Variants in SLC24A4 observed in about 807,000 individuals in gnomAD.
SLC24A4 encodes the protein solute carrier family 24 member 4.
Under a neutral mutation model 79.0 loss-of-function variants are expected in SLC24A4, and 53 were observed. That is an observed-to-expected ratio of 0.67 (90% confidence interval 0.54 to 0.84). SLC24A4 has a LOEUF of 0.84. Among genes scored for constraint, SLC24A4 ranks in the 40% least tolerant of loss-of-function variants. SLC24A4 has a pLI of 0.00. For synonymous variants in SLC24A4, 323 were observed against 323.8 expected, an observed-to-expected ratio of 1.00 and a Z score of 0.03; for missense variants, 731 against 822.0, an observed-to-expected ratio of 0.89 and a Z score of 1.35.
chr14:92,386,376 A>C (rs1475617342), intron 2 of SLC24A4, among the ~76,000 whole-genome samples: 1 of 152,142 alleles, frequency 6.6e-6, no homozygotes, highest in Non-Finnish European at 1.5e-5. Context: ...TTCTGAGGTC[A>C]CAGTGCAGAT....
intron 12 of SLC24A4, among the ~76,000 whole-genome samples, chr14:92,473,857 C>T (rs1348295203): frequency 1.3e-5 from 2 of 152,168 alleles, no homozygotes; most frequent in Non-Finnish European, 1.5e-5. Context: ...TTAGAACTAT[C>T]CTTGGGCTAG....
intron 12 of SLC24A4, among the ~76,000 whole-genome samples, chr14:92,459,837 C>A (rs956452930): frequency 6.6e-6 from 1 of 152,162 alleles, no homozygotes; most frequent in African/African-American, 2.4e-5. Flanking sequence ...AGACTCCGCC[C>A]CCGACAGAAA....
At chr14:92,355,338 C>A (rs1294624874) in intron 2 of SLC24A4, among the ~76,000 whole-genome samples, 2 of 152,144 alleles carry the variant, frequency 1.3e-5, no homozygotes, top group East Asian at 1.9e-4. Context: ...GGGAAGAGGG[C>A]AGATGGTGGC....
intron 2 of SLC24A4, among the ~76,000 whole-genome samples, chr14:92,379,365 A>G (rs1259565765): frequency 6.6e-6 from 1 of 152,046 alleles, no homozygotes; most frequent in African/African-American, 2.4e-5. Context: ...CTGAAGAGGG[A>G]TGTTGGCATT....
At chr14:92,429,628 C>T (rs1891753390) in intron 2 of SLC24A4, among the ~76,000 whole-genome samples, 1 of 152,174 alleles carries the variant, frequency 6.6e-6, no homozygotes, top group African/African-American at 2.4e-5. Flanking sequence ...TTAGAGCTTA[C>T]AAGAACAGAG....
At chr14:92,377,609 A>T (rs67701582) in intron 2 of SLC24A4, among the ~76,000 whole-genome samples, 9,999 of 152,270 alleles carry the variant, frequency 0.066, 455 homozygotes, top group Non-Finnish European at 0.091. Flanking sequence ...GGGACCTCAT[A>T]TGCCTTGCAG....
chr14:92,426,655 G>A (rs1430850953), intron 2 of SLC24A4, among the ~76,000 whole-genome samples: 3 of 152,068 alleles, frequency 2.0e-5, no homozygotes, highest in Non-Finnish European at 4.4e-5. Flanking sequence ...TTTTACTCCT[G>A]TTTGGGACAC....
rs548008138 is a variant in SLC24A4, at chr14:92,396,640, C to G, written c.242-37272C>G. ...AAACACACCTGCTGCTGCTTTGCCG[C>G]AACAGTTTACTTCTAGAGCATCTGT... On this transcript the variant is annotated intron_variant, in intron 2 of 16. Coordinates refer to ENST00000532405, the MANE Select transcript of SLC24A4 (RefSeq NM_153646.4). Among the ~76,000 whole-genome samples the G allele has an allele frequency of 2.0e-5, 3 of 152,330 alleles. No individual in the cohort carries two copies. The South Asian group carries it at 6.2e-4, about 32-fold the overall frequency.
At chr14:92,426,637 CTAAT>C in intron 2 of SLC24A4, among the ~76,000 whole-genome samples, 1 of 152,216 alleles carries the variant, frequency 6.6e-6, no homozygotes, top group Admixed American at 6.5e-5. Flanking sequence ...GTGACTTAAT[CTAAT>C]TATTTTTACT....
At chr14:92,331,410 A>G (rs182072516) in intron 2 of SLC24A4, among the ~76,000 whole-genome samples, 123 of 152,290 alleles carry the variant, frequency 8.1e-4, no homozygotes, top group African/African-American at 2.8e-3. Context: ...AGCCTCCTGA[A>G]TAACTGGGAC....
At chr14:92,468,821 A>C (rs928985329) in intron 12 of SLC24A4, among the ~76,000 whole-genome samples, 1 of 152,214 alleles carries the variant, frequency 6.6e-6, no homozygotes, top group Non-Finnish European at 1.5e-5. Context: ...ATAGGTATAC[A>C]TATTTGTGAC....
At chr14:92,372,941 C>T (rs568238604) in intron 2 of SLC24A4, among the ~76,000 whole-genome samples, 5,247 of 116,840 alleles carry the variant, frequency 0.045, 494 homozygotes, top group African/African-American at 0.15. Flanking sequence ...CTTTCTTTTT[C>T]TCTCTCTCTC....
intron 13 of SLC24A4, chr14:92,483,824 C>T: frequency 7.8e-7 from 1 of 1,289,940 alleles, no homozygotes. Flanking sequence ...AACATCGAGT[C>T]CCTTTATTCT....
chr14:92,349,452 G>T (rs1886743013), intron 2 of SLC24A4, among the ~76,000 whole-genome samples: 1 of 152,194 alleles, frequency 6.6e-6, no homozygotes, highest in Admixed American at 6.5e-5. Context: ...GAGCCACCGT[G>T]CCCAGCCTAG....
At chr14:92,493,019 G>C (rs181790345) in intron 16 of SLC24A4, 4,448 of 259,768 alleles carry the variant, frequency 0.017, 236 homozygotes, top group East Asian at 0.071. Context: ...CACACACACA[G>C]AGAAAGATTT....
intron 16 of SLC24A4, among the ~76,000 whole-genome samples, chr14:92,493,273 G>C (rs1340747138): frequency 6.6e-6 from 1 of 152,174 alleles, no homozygotes; most frequent in African/African-American, 2.4e-5. Flanking sequence ...GGCTAGGACA[G>C]AGACTCGCCC....
In SLC24A4 at chr14:92,493,597, T is replaced by G; in HGVS notation, c.1838T>G (p.Val613Gly). ...IMIEFNVFTF[V>G]NLPMCREDD Reference sequence around the variant, plus strand: ...ATAGAGTTTAACGTCTTTACCTTCGTCAACTTGCCGATGTGCCGGGAAGAC... The same window carrying G: ...ATAGAGTTTAACGTCTTTACCTTCGGCAACTTGCCGATGTGCCGGGAAGAC... The change falls in exon 17 of 17, where the codon GTC becomes GGC. Residue 613 changes from valine to glycine, a missense_variant. Coordinates refer to ENST00000532405, the MANE Select transcript of SLC24A4 (RefSeq NM_153646.4). 6.2e-7 allele frequency: 1 copy of G among 1,614,202 alleles called. No individual in the cohort carries two copies. Among genetic ancestry groups the G allele is most frequent in the Non-Finnish European group, 8.5e-7 (1 of 1,180,028 alleles).
chr14:92,495,258 C>T lies in SLC24A4; in HGVS notation c.*1630C>T, dbSNP rs183271053. The T allele has an allele frequency of 3.9e-5, 6 of 152,240 alleles. No homozygotes were observed. Among genetic ancestry groups the T allele is most frequent in the African/African-American group, 9.7e-5 (4 of 41,418 alleles). 9.4% of individuals were successfully genotyped at this position (152,240 alleles called of 1,614,324 possible). A position where few individuals can be genotyped will look rare whatever the true frequency, so the allele number is the denominator to read the frequency against. On this transcript the variant is annotated 3_prime_UTR_variant, in exon 17 of 17. Coordinates refer to ENST00000532405, the MANE Select transcript of SLC24A4 (RefSeq NM_153646.4). The stretch of plus-strand genomic sequence containing the variant: ...CTGAGTTTCAAAAGGAGGAAGTGTT[C>T]GTGCTTGTGTCCCTGAAGTTCCCTG...
chr14:92,439,219 GC>G, intron 3 of SLC24A4, 115 bp from the exon 4 acceptor site: 3 of 787,382 alleles, frequency 3.8e-6, no homozygotes, highest in Non-Finnish European at 6.6e-6. Context: ...TTTCCTGTGT[GC>G]CCCGCTCTGT....
Sources: gnomAD v4.1 joint callset for allele counts (sites outside exome capture counted in the v4.1 genomes callset) on GRCh38, gnomAD v4.1.1 for gene constraint, MANE v1.5 for transcripts, NCBI Gene and HGNC (gene_info 2026-07-23, HGNC 2026-07-21) for gene names.